Variants in PALD1 observed in about 807,000 individuals in gnomAD.
The protein encoded by PALD1 is paladin.
In PALD1, 57 loss-of-function variants were observed where a neutral mutation model predicts 96.0. The observed-to-expected ratio is 0.59, with a 90% CI of 0.48 to 0.74. The LOEUF (loss-of-function observed/expected upper bound fraction) is 0.74. Ranked by LOEUF, PALD1 falls within the 30% of genes least tolerant of loss-of-function variation. The pLI is 0.00. For missense variants in PALD1, 1,063 were observed against 1,143.7 expected, an observed-to-expected ratio of 0.93 and a Z score of 1.02; for synonymous variants, 464 against 473.6, an observed-to-expected ratio of 0.98 and a Z score of 0.26.
chr10:70,531,739 G>A (rs778092978), intron 5 of PALD1, among the ~76,000 whole-genome samples: 47 of 152,080 alleles, frequency 3.1e-4, no homozygotes, highest in Non-Finnish European at 5.3e-4. Flanking sequence ...GCTTATACCT[G>A]TAATTCCAGC....
chr10:70,541,403 C>T, intron 16 of PALD1, 60 bp from the exon 17 acceptor site: 1 of 1,573,098 alleles, frequency 6.4e-7, no homozygotes, highest in South Asian at 1.1e-5. Flanking sequence ...CAAGTCCTCC[C>T]CAGCAAGGGG....
At chr10:70,495,150 G>A (rs1015212743) in intron 1 of PALD1, among the ~76,000 whole-genome samples, 3 of 152,240 alleles carry the variant, frequency 2.0e-5, no homozygotes, top group South Asian at 2.1e-4. Context: ...CTCTGCTGCC[G>A]GGCATGTGTC....
chr10:70,538,770 T>G, intron 12 of PALD1, 122 bp from the exon 13 acceptor site: 1 of 803,368 alleles, frequency 1.2e-6, no homozygotes, highest in East Asian at 2.4e-5. Flanking sequence ...TGTGCAGGAG[T>G]GCTTTGTAAA....
chr10:70,461,766 C>T, the PALD1 span, among the ~76,000 whole-genome samples: 3 of 152,256 alleles, frequency 2.0e-5, no homozygotes, highest in Middle Eastern at 3.4e-3. Flanking sequence ...AGATTTACGA[C>T]TTGGCATTGT....
At chr10:70,514,484 G>A (rs1479569891) in intron 1 of PALD1, among the ~76,000 whole-genome samples, 2 of 152,172 alleles carry the variant, frequency 1.3e-5, no homozygotes, top group African/African-American at 4.8e-5. Flanking sequence ...ATTTAGATTG[G>A]ACTCTTCCTA....
intron 1 of PALD1, among the ~76,000 whole-genome samples, chr10:70,519,532 C>T (rs372507043): frequency 6.6e-6 from 1 of 151,800 alleles, no homozygotes; most frequent in African/African-American, 2.4e-5. Context: ...AAGCCTCCAC[C>T]TCCTAATACC....
chr10:70,483,411 T>TAG (rs895872147), intron 1 of PALD1, among the ~76,000 whole-genome samples: 3 of 152,180 alleles, frequency 2.0e-5, no homozygotes, highest in Non-Finnish European at 4.4e-5. Context: ...TGGAAGGCAG[T>TAG]AGAGAACATC....
intron 1 of PALD1, among the ~76,000 whole-genome samples, chr10:70,501,995 C>T (rs569736171): frequency 7.2e-5 from 11 of 151,984 alleles, no homozygotes; most frequent in South Asian, 2.1e-4. Flanking sequence ...CTATTTCATT[C>T]GAAGTTTGAC....
Position 70,533,316 on chromosome 10 carries a change from T to C in PALD1, c.870+246T>C, listed in dbSNP as rs557015220. On this transcript the variant is annotated intron_variant, in intron 7 of 19. Transcript: ENST00000263563. ...ATGTGTCTCTCTGTGTGTCTGTGTG[T>C]TCCTGTCTGTGTGTCTCTGTGTGGG... Among the ~76,000 whole-genome samples, 4 of 151,700 alleles carry C rather than the reference T, an allele frequency of 2.6e-5. No homozygotes were observed. The East Asian group carries it at 7.7e-4, about 29-fold the overall frequency.
chr10:70,535,545 CCT>C (rs1316821847), intron 10 of PALD1, among the ~76,000 whole-genome samples: 20 of 136,224 alleles, frequency 1.5e-4, no homozygotes, highest in African/African-American at 5.2e-4. Context: ...CTTCTTTCCT[CCT>C]CCTCCTTCCT....
chr10:70,470,116 CATTT>C, the PALD1 span, among the ~76,000 whole-genome samples: 5 of 152,090 alleles, frequency 3.3e-5, no homozygotes, highest in African/African-American at 1.2e-4. Flanking sequence ...CTTTAAATTG[CATTT>C]ATTATGTCCA....
intron 18 of PALD1, among the ~76,000 whole-genome samples, chr10:70,559,943 T>G (rs563515092): frequency 1.3e-5 from 2 of 151,806 alleles, no homozygotes; most frequent in East Asian, 3.9e-4. Flanking sequence ...GAGTGCTCAC[T>G]GAGCGCCTGC....
the PALD1 span, among the ~76,000 whole-genome samples, chr10:70,473,437 G>A: frequency 2.6e-5 from 4 of 152,194 alleles, no homozygotes; most frequent in Non-Finnish European, 5.9e-5. Flanking sequence ...GGGGCCAGCT[G>A]TCTATCTATG....
chr10:70,539,661 T>C lies in PALD1; in HGVS notation c.1807T>C (p.Cys603Arg), dbSNP rs1403031067. Residue 603 changes from cysteine (C) to arginine (R), a missense_variant, in exon 15 of 20, where the codon TGC (cysteine) becomes CGC (arginine). Cys to Arg is a radical substitution (Grantham distance 180). Transcript: ENST00000263563. The surrounding 1 kb of genome is among the most constrained non-coding windows in gnomAD (Gnocchi z 4.5). ...CCCCCTGACCTACAGGTTCCAGACCTGCCTTACCATGCAGGAGGTCTTCAG... is the reference window on the plus strand; with the variant it reads ...CCCCCTGACCTACAGGTTCCAGACCCGCCTTACCATGCAGGAGGTCTTCAG... ...EGPLTYRFQT[C>R]LTMQEVFSQH... The C allele has an allele frequency of 2.5e-6, 4 of 1,613,616 alleles. No individual in the cohort carries two copies. Among genetic ancestry groups the C allele is most frequent in the Non-Finnish European group, 3.4e-6 (4 of 1,179,818 alleles).
Position 70,558,142 on chromosome 10 carries a change from T to C in PALD1, c.2263-6222T>C, listed in dbSNP as rs1847652635. ...TGTTGTTTTGGTAGAGACAGGATCT[T>C]GCTCTGTTGCCTGGGTTGCTGGCTC... On this transcript the variant is annotated intron_variant, in intron 18 of 19. Transcript: ENST00000263563. Among the ~76,000 whole-genome samples the C allele has an allele frequency of 3.3e-5, 5 of 151,840 alleles. No homozygotes were observed. In the South Asian group the frequency reaches 1.0e-3, roughly 32 times the overall value.
At position 70,526,101 on chromosome 10, in the gene PALD1, C is replaced by T. The variant is rs1846860638; in HGVS notation, c.150C>T (p.Ser50=). The part of the protein sequence containing the change: ...STSLHNSKAK[S]IIPNKVAPVV... ...GCTTGCATAACAGCAAGGCCAAGTC[C>T]ATCATCCCCAACAAGGTGGCCCCTG... Residue 50 remains serine (S), a synonymous_variant, in exon 2 of 20, where the codon TCC becomes TCT. Coordinates refer to ENST00000263563, the MANE Select transcript of PALD1 (RefSeq NM_014431.3). 3 of 1,614,112 alleles carry T rather than the reference C, an allele frequency of 1.9e-6. No homozygotes were observed. Among genetic ancestry groups the T allele is most frequent in the Non-Finnish European group, 2.5e-6 (3 of 1,180,036 alleles).
chr10:70,545,795 T>TG (rs1023464449), intron 17 of PALD1, among the ~76,000 whole-genome samples: 5 of 151,722 alleles, frequency 3.3e-5, no homozygotes, highest in African/African-American at 1.2e-4. Context: ...GCGCAGTGGC[T>TG]GGGGGCTGCT....
the PALD1 span, among the ~76,000 whole-genome samples, chr10:70,471,710 G>C: frequency 6.6e-6 from 1 of 152,348 alleles, no homozygotes; most frequent in South Asian, 2.1e-4. Flanking sequence ...CTAGGCGAAA[G>C]TCCTAGTGAT....
intron 18 of PALD1, among the ~76,000 whole-genome samples, chr10:70,549,521 G>T (rs185950878): frequency 1.3e-5 from 2 of 152,384 alleles, no homozygotes; most frequent in Admixed American, 1.3e-4. Context: ...GAGCCGTGGG[G>T]AGACAGGAGG....
Sources: allele counts gnomAD v4.1 joint callset (sites outside exome capture counted in the v4.1 genomes callset), GRCh38; gene constraint gnomAD v4.1.1; non-coding constraint Gnocchi (gnomAD v3.1); transcripts MANE v1.5; gene names NCBI Gene and HGNC (gene_info 2026-07-23, HGNC 2026-07-21).